The following CRHR2 variants were observed in gnomAD, a reference collection of about 807,000 sequenced individuals.
CRHR2 encodes the protein corticotropin-releasing hormone receptor 2.
A neutral mutation model predicts 57.9 loss-of-function variants in CRHR2; 53 were observed. That is an observed-to-expected ratio of 0.92 (90% CI 0.73 to 1.15). The LOEUF (loss-of-function observed/expected upper bound fraction) is 1.15, where lower values mean the gene tolerates loss of function less well. CRHR2 is among the 50% of genes most tolerant of loss of function. CRHR2 has a pLI of 0.00. For synonymous variants in CRHR2, 213 were observed against 220.9 expected (o/e 0.96, Z 0.32); for missense variants, 532 against 542.6 (o/e 0.98, Z 0.19).
chr7:30,660,645 C>T lies in CRHR2; in HGVS notation c.759G>A (p.Gln253=), dbSNP rs532914928. 12 of 1,565,794 alleles carry T rather than the reference C, an allele frequency of 7.7e-6. No homozygotes were observed. Among genetic ancestry groups the T allele is most frequent in the South Asian group, 4.7e-5 (4 of 84,980 alleles). The change falls in exon 8 of 12, where the codon CAG becomes CAA. Residue 253 remains glutamine (Q), a splice_region_variant and synonymous_variant. Coordinates refer to ENST00000471646, the MANE Select transcript of CRHR2 (RefSeq NM_001883.5). ...AIGKLYYENE[Q]CWFGKEPGDL... The stretch of plus-strand genomic sequence containing the variant: ...CGCCAGGCTCCTTGCCAAACCAGCA[C>T]CTGTGAAGATGGGGTGGCTGTAGGG...
In CRHR2 at chr7:30,656,925, G is replaced by A. The variant is rs1018828341; in HGVS notation, c.832-913C>T. Among the ~76,000 whole-genome samples, 2 of 152,280 alleles carry A rather than the reference G, an allele frequency of 1.3e-5. No homozygotes were observed. The highest frequency in any genetic ancestry group is 1.9e-4 in the East Asian group (1 of 5,174). ...GGATCTGGGGCCCGGGCACATCTGC[G>A]TTTCTCTTCACCTGCCTCCGAGCAT... On this transcript the variant is annotated intron_variant, in intron 8 of 11. Coordinates refer to ENST00000471646, the MANE Select transcript of CRHR2 (RefSeq NM_001883.5). This position sits in a 1 kb window ranked among gnomAD's most constrained non-coding sequence, Gnocchi z 4.4.
intron 2 of CRHR2, among the ~76,000 whole-genome samples, chr7:30,673,119 T>C (rs546750915): frequency 9.2e-5 from 14 of 152,290 alleles, no homozygotes; most frequent in African/African-American, 3.4e-4. Flanking sequence ...TTACTGCCTG[T>C]AGTTGGGCCA....
In CRHR2 at chr7:30,692,304, T is replaced by C. The variant is rs570297976; in HGVS notation, c.-260-3020A>G. On this transcript the variant is annotated intron_variant, in intron 1 of 13. Coordinates refer to the CRHR2 transcript ENST00000341843. The stretch of plus-strand genomic sequence containing the variant: ...GCTCTTCCTGCCCAGAAAAGCTTCC[T>C]GGAAACCCTGTGCCCCCCTTCCCCA... 3.3e-5 allele frequency among the ~76,000 whole-genome samples: 5 copies of C among 152,228 alleles called. No individual in the cohort carries two copies. The East Asian group carries it at 9.7e-4, about 29-fold the overall frequency.
At chr7:30,681,315 C>T (rs1245221677) in intron 2 of CRHR2, among the ~76,000 whole-genome samples, 2 of 152,228 alleles carry the variant, frequency 1.3e-5, no homozygotes, top group Non-Finnish European at 2.9e-5. Context: ...CAGCCCCTGA[C>T]TCAGCCCAGC....
intron 11 of CRHR2, chr7:30,654,763 CT>C: frequency 6.5e-7 from 1 of 1,536,496 alleles, no homozygotes; most frequent in African/African-American, 1.4e-5. Context: ...TCTGGCTTCT[CT>C]CTTCCATGAG....
chr7:30,662,112 C>T (rs1784021783), intron 7 of CRHR2, 44 bp downstream of exon 7: 1 of 1,606,932 alleles, frequency 6.2e-7, no homozygotes, highest in Non-Finnish European at 8.5e-7. Context: ...CTAACACCCC[C>T]ATTCCCTTCC....
At chr7:30,667,347 A>C in intron 2 of CRHR2, 34 bp from the exon 3 acceptor site, 3 of 1,595,984 alleles carry the variant, frequency 1.9e-6, no homozygotes, top group Non-Finnish European at 2.6e-6. Flanking sequence ...GAGTCAGGTC[A>C]CTCCCCTCCT....
intron 10 of CRHR2, 86 bp from the exon 11 acceptor site, chr7:30,655,166 TG>T (rs1006531177): frequency 1.7e-3 from 1,773 of 1,050,488 alleles, no homozygotes; most frequent in Non-Finnish European, 1.9e-3. Context: ...GACAAGATGG[TG>T]GGGGGGGGAC....
chr7:30,691,472 C>G (rs1223683562), intron 1 of CRHR2, among the ~76,000 whole-genome samples: 3 of 152,196 alleles, frequency 2.0e-5, no homozygotes, highest in Non-Finnish European at 2.9e-5. Context: ...TGCTTTGAAC[C>G]CATGATGGGG....
At position 30,653,920 on chromosome 7, in the gene CRHR2, G is replaced by A. The variant is rs987891055; in HGVS notation, c.1096-320C>T. Among the ~76,000 whole-genome samples, 4 of 152,274 alleles carry A rather than the reference G, an allele frequency of 2.6e-5. No individual in the cohort carries two copies. The East Asian group carries it at 5.8e-4, about 22-fold the overall frequency. ...AAAATTAGCATCTTGGGACCAGAGAGCGCAGCTTGGAGACTTGGCCCCCTC... is the reference window on the plus strand; with the variant it reads ...AAAATTAGCATCTTGGGACCAGAGAACGCAGCTTGGAGACTTGGCCCCCTC... On this transcript the variant is annotated intron_variant, in intron 11 of 11. Coordinates refer to ENST00000471646, the MANE Select transcript of CRHR2 (RefSeq NM_001883.5). The surrounding 1 kb of genome is among the most constrained non-coding windows in gnomAD (Gnocchi z 5.0).
upstream of CRHR2, chr7:30,686,461 T>A: frequency 6.5e-7 from 1 of 1,529,030 alleles, no homozygotes; most frequent in Non-Finnish European, 8.7e-7. Context: ...TGACCAACCC[T>A]GGCATATGTG....
intron 8 of CRHR2, among the ~76,000 whole-genome samples, chr7:30,658,765 A>G (rs1783884316): frequency 6.6e-6 from 1 of 152,232 alleles, no homozygotes; most frequent in Admixed American, 6.5e-5. Context: ...ATCCTTTCCC[A>G]TGACACCAAC....
At chr7:30,685,244 A>G (rs956015753), upstream of CRHR2, among the ~76,000 whole-genome samples, 3 of 152,208 alleles carry the variant, frequency 2.0e-5, no homozygotes, top group Non-Finnish European at 4.4e-5. Flanking sequence ...AGCCTAATAC[A>G]TGGCATCAAA....
chr7:30,696,986 G>C (rs1785069077), intron 1 of CRHR2, among the ~76,000 whole-genome samples: 1 of 152,112 alleles, frequency 6.6e-6, no homozygotes, highest in African/African-American at 2.4e-5. Flanking sequence ...CAAAACTAGA[G>C]ACTAAATTAG....
Position 30,665,455 on chromosome 7 carries a change from G to A in CRHR2, c.425+75C>T. 1 of 1,272,412 alleles carries A rather than the reference G, an allele frequency of 7.9e-7. No individual in the cohort carries two copies. The highest frequency in any genetic ancestry group is 1.1e-6 in the Non-Finnish European group (1 of 900,390). 78.8% of individuals were successfully genotyped at this position (1,272,412 alleles called of 1,614,324 possible). A position where few individuals can be genotyped will look rare whatever the true frequency, so the allele number is the denominator to read the frequency against. ...CTGCTGGGCCCCAGAATGGAGGTGA[G>A]AATGTCTGGGAGAGGTGAAGGGGGT... On this transcript the variant is annotated intron_variant, in intron 4 of 11. Coordinates refer to ENST00000471646, the MANE Select transcript of CRHR2 (RefSeq NM_001883.5). The surrounding 1 kb of genome is among the most constrained non-coding windows in gnomAD (Gnocchi z 4.5).
rs368317467 is a variant in CRHR2, at chr7:30,653,643, C to G, written c.1096-43G>C. Reference sequence around the variant, plus strand: ...GCTCAGCTGGCTCCCAGGGACCAACCCTGGGCTTCTGGGACCATCCCCTCC... The same window carrying G: ...GCTCAGCTGGCTCCCAGGGACCAACGCTGGGCTTCTGGGACCATCCCCTCC... On this transcript the variant is annotated intron_variant, in intron 11 of 11. Coordinates refer to ENST00000471646, the MANE Select transcript of CRHR2 (RefSeq NM_001883.5). This position sits in a 1 kb window ranked among gnomAD's most constrained non-coding sequence, Gnocchi z 5.0. The G allele has an allele frequency of 6.4e-7, 1 of 1,565,394 alleles. No individual in the cohort carries two copies. Among genetic ancestry groups the G allele is most frequent in the African/African-American group, 1.4e-5 (1 of 74,014 alleles).
Position 30,678,752 on chromosome 7 carries a change from C to T in CRHR2, c.229+3163G>A, listed in dbSNP as rs185252402. On this transcript the variant is annotated intron_variant, in intron 2 of 11. Transcript: ENST00000471646. ...CATCCCCAACTGTGCTCAGCTGTTT[C>T]CTGTGTGCCCAACCTTTACCTTGCC... Among the ~76,000 whole-genome samples, 324 of 152,322 alleles carry T rather than the reference C, an allele frequency of 2.1e-3. 2 individuals are homozygous for T. The highest frequency in any genetic ancestry group is 7.1e-3 in the African/African-American group (296 of 41,560).
In CRHR2 at chr7:30,682,269, T is replaced by G; in HGVS notation, c.12A>C (p.Ala4=). The G allele has an allele frequency of 1.9e-6, 3 of 1,576,150 alleles. No individual in the cohort carries two copies. Among genetic ancestry groups the G allele is most frequent in the Non-Finnish European group, 2.6e-6 (3 of 1,169,028 alleles). The change falls in exon 1 of 12, where the codon GCA becomes GCC. Residue 4 remains alanine, a synonymous_variant. Transcript: ENST00000471646. Reference sequence around the variant, plus strand: ...TGGCCTCCAGCAGGCTGTGGAGCAGTGCCGCGTCCATCGCGTCCCGCAGCC... The same window carrying G: ...TGGCCTCCAGCAGGCTGTGGAGCAGGGCCGCGTCCATCGCGTCCCGCAGCC... MDA[A]LLHSLLEANC...
chr7:30,698,769 G>A (rs1335182451), intron 1 of CRHR2, among the ~76,000 whole-genome samples: 1 of 152,166 alleles, frequency 6.6e-6, no homozygotes, highest in East Asian at 1.9e-4. Flanking sequence ...GGCATTCACT[G>A]CGTGCTCACA....
Sources: gnomAD v4.1 joint callset for allele counts (sites outside exome capture counted in the v4.1 genomes callset) on GRCh38, gnomAD v4.1.1 for gene constraint, Gnocchi (gnomAD v3.1) non-coding constraint, MANE v1.5 for transcripts, NCBI Gene and HGNC (gene_info 2026-07-23, HGNC 2026-07-21) for gene names.